Variants in EIF4G3 observed in about 807,000 individuals in gnomAD.
EIF4G3 encodes eIF-4-gamma 3.
A neutral mutation model predicts 186.4 loss-of-function variants in EIF4G3; 34 were observed. That is an observed-to-expected ratio of 0.18 (90% CI 0.14 to 0.24). The LOEUF (loss-of-function observed/expected upper bound fraction) is 0.24, where lower values mean the gene tolerates loss of function less well. Ranked by LOEUF, EIF4G3 falls within the 10% of genes least tolerant of loss-of-function variation. EIF4G3 has a pLI of 1.00. For missense variants in EIF4G3, 1,536 were observed against 1,948.5 expected (o/e 0.79, Z 3.99); for synonymous variants, 673 against 679.5 (o/e 0.99, Z 0.15).
chr1:20,998,513 TAATA>T (rs2082797616), intron 6 of EIF4G3, among the ~76,000 whole-genome samples: 1 of 152,196 alleles, frequency 6.6e-6, no homozygotes, highest in East Asian at 1.9e-4. Context: ...TGAAAGTGGC[TAATA>T]TATATTCCAA....
chr1:20,928,745 G>A (rs960360417), intron 14 of EIF4G3, among the ~76,000 whole-genome samples: 11 of 151,990 alleles, frequency 7.2e-5, no homozygotes, highest in African/African-American at 1.9e-4. Flanking sequence ...TATAATTTAC[G>A]TATCATAAAA....
At chr1:20,883,490 G>A (rs952298842) in intron 19 of EIF4G3, among the ~76,000 whole-genome samples, 4 of 152,108 alleles carry the variant, frequency 2.6e-5, no homozygotes, top group African/African-American at 4.8e-5. Flanking sequence ...TGGTGGACAC[G>A]CCTGTAATAC....
At chr1:20,851,108 A>G (rs2073151510) in intron 28 of EIF4G3, 150 bp downstream of exon 28, 2 of 690,680 alleles carry the variant, frequency 2.9e-6, no homozygotes, top group Admixed American at 2.9e-5. Context: ...GAACTGTTAT[A>G]AAACTATGAA....
At chr1:21,014,826 G>T (rs1022112022) in intron 4 of EIF4G3, among the ~76,000 whole-genome samples, 2 of 151,928 alleles carry the variant, frequency 1.3e-5, no homozygotes, top group Non-Finnish European at 2.9e-5. Flanking sequence ...TAGAGACGGG[G>T]TTTTTGCCAT....
At chr1:20,999,363 G>GAT in intron 6 of EIF4G3, 2 of 397,674 alleles carry the variant, frequency 5.0e-6, no homozygotes, top group East Asian at 1.5e-4. Context: ...TTCTACTATG[G>GAT]ACAAGAACAG....
In EIF4G3 at chr1:21,112,770, T is replaced by C. The variant is rs556027312; in HGVS notation, c.-271-23557A>G. On this transcript the variant is annotated intron_variant, in intron 2 of 36. Transcript: ENST00000602326. The stretch of plus-strand genomic sequence containing the variant: ...ATGTTATAATAAAAATATTCTCAAA[T>C]AGAAAGCTTTTCAGCACATTCTATG... Among the ~76,000 whole-genome samples, 13 of 152,284 alleles carry C rather than the reference T, an allele frequency of 8.5e-5. No individual in the cohort carries two copies. In the South Asian group the frequency reaches 1.7e-3, roughly 19 times the overall value.
chr1:21,051,808 G>A (rs1305262207), intron 3 of EIF4G3, among the ~76,000 whole-genome samples: 1 of 152,176 alleles, frequency 6.6e-6, no homozygotes, highest in Non-Finnish European at 1.5e-5. Context: ...GGCTTACAGT[G>A]AGCTATGATC....
At chr1:21,079,342 G>C (rs1429616460) in intron 3 of EIF4G3, among the ~76,000 whole-genome samples, 1 of 151,990 alleles carries the variant, frequency 6.6e-6, no homozygotes, top group Non-Finnish European at 1.5e-5. Flanking sequence ...TAGGGTAAAA[G>C]AATCAAGATT....
rs1307996122 is a variant in EIF4G3 at position 20,982,246 on chromosome 1, C to T, written c.198+142G>A. On this transcript the variant is annotated intron_variant, in intron 8 of 36. Coordinates refer to ENST00000602326, the MANE Select transcript of EIF4G3 (RefSeq NM_001391906.1). ...AACCAGTACCTGTAGTTATAATTTTCACTGCAAGATTAAAAGCCTTGAAAC... is the reference window on the plus strand; with the variant it reads ...AACCAGTACCTGTAGTTATAATTTTTACTGCAAGATTAAAAGCCTTGAAAC... The T allele has an allele frequency of 6.3e-6, 4 of 635,152 alleles. No homozygotes were observed. The African/African-American group carries it at 7.7e-5, about 12-fold the overall frequency. 39.3% of individuals were successfully genotyped at this position (635,152 alleles called of 1,614,324 possible). A position where few individuals can be genotyped will look rare whatever the true frequency, so the allele number is the denominator to read the frequency against.
At chr1:21,127,702 A>T (rs936132559) in intron 2 of EIF4G3, among the ~76,000 whole-genome samples, 1 of 152,214 alleles carries the variant, frequency 6.6e-6, no homozygotes, top group Non-Finnish European at 1.5e-5. Flanking sequence ...ATTGTACTAC[A>T]AGGCACTAAT....
At chr1:21,003,641 C>T (rs2154569123) in intron 4 of EIF4G3, 2 of 341,450 alleles carry the variant, frequency 5.9e-6, no homozygotes, top group South Asian at 2.6e-5. Flanking sequence ...TGAAACAAAA[C>T]TGACAGGATG....
At chr1:20,876,424 G>A (rs2080851363) in intron 20 of EIF4G3, among the ~76,000 whole-genome samples, 2 of 139,912 alleles carry the variant, frequency 1.4e-5, no homozygotes, top group Non-Finnish European at 1.5e-5. Flanking sequence ...CTAGACGGCT[G>A]CCCAAAACAT....
chr1:21,067,549 T>C (rs914454418), intron 3 of EIF4G3, among the ~76,000 whole-genome samples: 10 of 152,190 alleles, frequency 6.6e-5, no homozygotes, highest in African/African-American at 2.4e-4. Context: ...AGCAAGCAGA[T>C]ACCATGATGG....
In EIF4G3 at chr1:20,941,597, A is replaced by G; in HGVS notation, c.1557T>C (p.Ser519=). Residue 519 remains serine (S), a synonymous_variant, in exon 14 of 37, where the codon AGT becomes AGC. Transcript: ENST00000602326. Reference sequence around the variant, plus strand: ...TGTTCTGAATCTCTTTTGCATCTTCACTAAGGCAAGTTCTTATGCTCTCGT... The same window carrying G: ...TGTTCTGAATCTCTTTTGCATCTTCGCTAAGGCAAGTTCTTATGCTCTCGT... The part of the protein sequence containing the change: ...EEDESIRTCL[S]EDAKEIQNKI... The G allele has an allele frequency of 6.2e-7, 1 of 1,614,148 alleles. No individual in the cohort carries two copies. Among genetic ancestry groups the G allele is most frequent in the East Asian group, 2.2e-5 (1 of 44,886 alleles).
Position 20,849,543 on chromosome 1 carries a change from C to G in EIF4G3, c.3773-13G>C, listed in dbSNP as rs759742174. 1.1e-5 allele frequency: 15 copies of G among 1,372,288 alleles called. No homozygotes were observed. Among genetic ancestry groups the G allele is most frequent in the Non-Finnish European group, 1.5e-5 (15 of 1,015,314 alleles). The allele number at this position is 1,372,288 out of a possible 1,614,324, so 85.0% of individuals were successfully genotyped here. A position where few individuals can be genotyped will look rare whatever the true frequency, so the allele number is the denominator to read the frequency against. On this transcript the variant is annotated splice_polypyrimidine_tract_variant and intron_variant, in intron 28 of 36. Coordinates refer to ENST00000602326, the MANE Select transcript of EIF4G3 (RefSeq NM_001391906.1). ...ATTTCTGGTTTTGCTATTAGTGAGGCCCCCCAAAAAAAGTAAAAATAATAA... is the reference window on the plus strand; with the variant it reads ...ATTTCTGGTTTTGCTATTAGTGAGGGCCCCCAAAAAAAGTAAAAATAATAA...
At chr1:20,893,233 T>G in intron 18 of EIF4G3, 1 of 228,976 alleles carries the variant, frequency 4.4e-6, no homozygotes, top group Non-Finnish European at 8.4e-6. Flanking sequence ...TCCCTGGCCA[T>G]GGTTGGCACT....
At position 20,807,179 on chromosome 1, in the gene EIF4G3, C is replaced by G; in HGVS notation, c.*140G>C. 1 of 643,826 alleles carries G rather than the reference C, an allele frequency of 1.6e-6. No homozygotes were observed. The highest frequency in any genetic ancestry group is 2.4e-6 in the Non-Finnish European group (1 of 414,450). The allele number at this position is 643,826 out of a possible 1,614,324, so 39.9% of individuals were successfully genotyped here. A position where few individuals can be genotyped will look rare whatever the true frequency, so the allele number is the denominator to read the frequency against. On this transcript the variant is annotated 3_prime_UTR_variant, in exon 37 of 37. Transcript: ENST00000602326. Reference sequence around the variant, plus strand: ...TTTTCCTCCATGATCACCTTTTTTTCTCTTTCCCCTCTCCCACTCGTGCAC... The same window carrying G: ...TTTTCCTCCATGATCACCTTTTTTTGTCTTTCCCCTCTCCCACTCGTGCAC...
At chr1:21,087,865 C>T (rs547902065) in intron 3 of EIF4G3, among the ~76,000 whole-genome samples, 1 of 152,084 alleles carries the variant, frequency 6.6e-6, no homozygotes, top group South Asian at 2.1e-4. Context: ...GATCTCCTGA[C>T]CTCGTGATCC....
intron 3 of EIF4G3, among the ~76,000 whole-genome samples, chr1:21,078,653 C>A (rs1226746523): frequency 6.6e-6 from 1 of 152,144 alleles, no homozygotes; most frequent in Non-Finnish European, 1.5e-5. Flanking sequence ...ATCCTAATTA[C>A]CCAGATTTGA....
Sources: gnomAD v4.1 joint callset for allele counts (sites outside exome capture counted in the v4.1 genomes callset) on GRCh38, gnomAD v4.1.1 for gene constraint, MANE v1.5 for transcripts, NCBI Gene and HGNC (gene_info 2026-07-23, HGNC 2026-07-21) for gene names.